Variants in EXOC6B observed in about 807,000 individuals in gnomAD.
EXOC6B encodes the protein exocyst complex component 6B.
A neutral mutation model predicts 113.5 loss-of-function variants in EXOC6B; 54 were observed. The observed-to-expected ratio is 0.48, with a 90% confidence interval of 0.38 to 0.60. The LOEUF is 0.60. Among genes scored for constraint, EXOC6B ranks in the 20% least tolerant of loss-of-function variants. EXOC6B has a pLI of 0.00. For missense variants in EXOC6B, 797 were observed against 977.5 expected, an observed-to-expected ratio of 0.82 and a Z score of 2.46; for synonymous variants, 357 against 339.0, an observed-to-expected ratio of 1.05 and a Z score of -0.58.
chr2:72,752,955 T>G (rs749504816), intron 1 of EXOC6B, among the ~76,000 whole-genome samples: 3 of 152,076 alleles, frequency 2.0e-5, no homozygotes, highest in Non-Finnish European at 4.4e-5. Context: ...CCTTGACCAC[T>G]TCTTCTCACT....
At chr2:72,698,384 T>C (rs1678044357) in intron 6 of EXOC6B, among the ~76,000 whole-genome samples, 1 of 152,052 alleles carries the variant, frequency 6.6e-6, no homozygotes, top group African/African-American at 2.4e-5. Flanking sequence ...AGGTTATCGA[T>C]AAAGAAAAAG....
At chr2:72,522,995 T>C (rs374119246) in intron 8 of EXOC6B, among the ~76,000 whole-genome samples, 1 of 152,082 alleles carries the variant, frequency 6.6e-6, no homozygotes, top group Non-Finnish European at 1.5e-5. Context: ...TCTGAATGAA[T>C]GCTTAAAAAT....
At chr2:72,440,703 G>C (rs527847010) in intron 18 of EXOC6B, among the ~76,000 whole-genome samples, 1 of 152,172 alleles carries the variant, frequency 6.6e-6, no homozygotes, top group East Asian at 1.9e-4. Context: ...ATGTAAATAG[G>C]CTAAATGCCC....
At chr2:72,666,780 G>GACACACACACACAC (rs71404724) in intron 6 of EXOC6B, among the ~76,000 whole-genome samples, 6 of 81,160 alleles carry the variant, frequency 7.4e-5, no homozygotes, top group African/African-American at 1.7e-4. Flanking sequence ...ATTTACAATA[G>GACACACACACACAC]ACACACACAC....
intron 1 of EXOC6B, among the ~76,000 whole-genome samples, chr2:72,771,441 A>G (rs1166610367): frequency 3.3e-5 from 5 of 152,068 alleles, no homozygotes; most frequent in African/African-American, 4.8e-5. Flanking sequence ...TCTCTCTTAC[A>G]TAATGATAGT....
chr2:72,515,202 C>T lies in EXOC6B; in HGVS notation c.916-76G>A, dbSNP rs915418881. Reference sequence around the variant, plus strand: ...TTTATTTCAAGGGAAAAGAGAAGGTCCCAGGTCTGGAATTTGAGGTAGTAT... The same window carrying T: ...TTTATTTCAAGGGAAAAGAGAAGGTTCCAGGTCTGGAATTTGAGGTAGTAT... On this transcript the variant is annotated intron_variant, in intron 8 of 21. Transcript: ENST00000272427. The T allele has an allele frequency of 2.2e-6, 3 of 1,356,528 alleles. No homozygotes were observed. The African/African-American group carries it at 4.4e-5, about 20-fold the overall frequency. The allele number at this position is 1,356,528 out of a possible 1,614,324, so 84.0% of individuals were successfully genotyped here.
At chr2:72,427,761 C>T (rs941969803) in intron 18 of EXOC6B, among the ~76,000 whole-genome samples, 3 of 152,146 alleles carry the variant, frequency 2.0e-5, no homozygotes, top group Non-Finnish European at 2.9e-5. Context: ...ACCTTCAGGC[C>T]AGGGAGGCAC....
intron 1 of EXOC6B, among the ~76,000 whole-genome samples, chr2:72,743,886 A>G (rs1238701883): frequency 6.6e-6 from 1 of 152,166 alleles, no homozygotes; most frequent in Non-Finnish European, 1.5e-5. Flanking sequence ...CCCAAAACTC[A>G]GCAGTAGCCA....
At chr2:72,189,884 GCAGAGTCTCGCT>G (rs1264065196) in intron 20 of EXOC6B, among the ~76,000 whole-genome samples, 1 of 45,278 alleles carries the variant, frequency 2.2e-5, no homozygotes, top group African/African-American at 4.1e-4. Flanking sequence ...TTTTTTTGAG[GCAGAGTCTCGCT>G]CTGTCATCCA....
At chr2:72,470,765 G>T (rs1698355655) in intron 17 of EXOC6B, among the ~76,000 whole-genome samples, 1 of 151,108 alleles carries the variant, frequency 6.6e-6, no homozygotes, top group African/African-American at 2.5e-5. Flanking sequence ...ATGGTTTCCA[G>T]CTTCATCCAT....
At chr2:72,277,899 G>A (rs577879080) in intron 20 of EXOC6B, among the ~76,000 whole-genome samples, 7 of 152,054 alleles carry the variant, frequency 4.6e-5, no homozygotes, top group African/African-American at 1.4e-4. Flanking sequence ...AGTGGACACT[G>A]GCTGTTTTTC....
intron 6 of EXOC6B, among the ~76,000 whole-genome samples, chr2:72,616,698 C>A (rs982654259): frequency 5.3e-5 from 8 of 152,082 alleles, no homozygotes; most frequent in Admixed American, 2.6e-4. Flanking sequence ...TATCCCCCAC[C>A]GAGTCCCTCC....
intron 6 of EXOC6B, among the ~76,000 whole-genome samples, chr2:72,681,296 C>G (rs991620118): frequency 1.3e-5 from 2 of 152,002 alleles, no homozygotes; most frequent in African/African-American, 4.8e-5. Flanking sequence ...TCATATTCAC[C>G]CTCAAAATTT....
chr2:72,732,327 T>C (rs1305221318), intron 3 of EXOC6B, among the ~76,000 whole-genome samples: 1 of 151,952 alleles, frequency 6.6e-6, no homozygotes, highest in Non-Finnish European at 1.5e-5. Context: ...GTTGTTTTTT[T>C]TGTTTTGGGG....
At position 72,498,525 on chromosome 2, in the gene EXOC6B, A is replaced by G; in HGVS notation, c.1266T>C (p.Leu422=). Residue 422 remains leucine (L), a synonymous_variant, in exon 13 of 22, where the codon CTT becomes CTC. Transcript: ENST00000272427. ...CTCTGATTTCTAACAGCATGTCAAA[A>G]AGCTGATTTACAGGGAAACCATACA... ...LQVYGFPVNQ[L]FDMLLEIRDQ... 4 of 1,611,430 alleles carry G rather than the reference A, an allele frequency of 2.5e-6. No individual in the cohort carries two copies. Among genetic ancestry groups the G allele is most frequent in the Non-Finnish European group, 3.4e-6 (4 of 1,178,864 alleles).
chr2:72,267,642 G>T lies in EXOC6B; in HGVS notation c.2196+67305C>A, dbSNP rs567037225. On this transcript the variant is annotated intron_variant, in intron 20 of 21. Transcript: ENST00000272427. ...TGGTAGATAAGCTTTTTGATGTGCT[G>T]CTGGATTCGGTCTGCCAGTATTTTA... Among the ~76,000 whole-genome samples the T allele has an allele frequency of 3.3e-5, 5 of 152,232 alleles. No homozygotes were observed. In the South Asian group the frequency reaches 1.0e-3, roughly 32 times the overall value.
At chr2:72,355,018 T>G (rs1689889465) in intron 19 of EXOC6B, among the ~76,000 whole-genome samples, 1 of 152,134 alleles carries the variant, frequency 6.6e-6, no homozygotes, top group Non-Finnish European at 1.5e-5. Context: ...CAAAGAAGCT[T>G]TTACATAAAT....
intron 8 of EXOC6B, among the ~76,000 whole-genome samples, chr2:72,546,108 T>A (rs1244989222): frequency 6.6e-6 from 1 of 152,196 alleles, no homozygotes; most frequent in African/African-American, 2.4e-5. Context: ...TTATTGACCA[T>A]CTTACACCAT....
At chr2:72,796,274 T>G (rs888987220) in intron 1 of EXOC6B, among the ~76,000 whole-genome samples, 4 of 151,382 alleles carry the variant, frequency 2.6e-5, no homozygotes, top group African/African-American at 4.8e-5. Flanking sequence ...CCAATGTTGG[T>G]GAAACCCCAT....
Sources: gnomAD v4.1 joint callset for allele counts (sites outside exome capture counted in the v4.1 genomes callset) on GRCh38, gnomAD v4.1.1 for gene constraint, MANE v1.5 for transcripts, NCBI Gene and HGNC (gene_info 2026-07-23, HGNC 2026-07-21) for gene names.